EPB41L4A: variants seen among roughly 807,000 people sequenced by gnomAD.
EPB41L4A encodes the protein erythrocyte membrane protein band 4.1 like 4A.
A neutral mutation model predicts 108.6 loss-of-function variants in EPB41L4A; 100 were observed. The ratio of observed to expected loss-of-function variants is 0.92; its 90% CI spans 0.78 to 1.09. The LOEUF (loss-of-function observed/expected upper bound fraction) is 1.09. Ranked by LOEUF, EPB41L4A falls within the 50% of genes least tolerant of loss-of-function variation. EPB41L4A has a pLI of 0.00. For missense variants in EPB41L4A, 1,030 were observed against 842.7 expected (o/e 1.22, Z -2.75); for synonymous variants, 319 against 289.0 (o/e 1.10, Z -1.05).
chr5:112,190,523 T>A (rs145653419), intron 17 of EPB41L4A, among the ~76,000 whole-genome samples: 1 of 152,046 alleles, frequency 6.6e-6, no homozygotes, highest in Non-Finnish European at 1.5e-5. Flanking sequence ...AAATGAAACA[T>A]AGGACCAAAA....
downstream of EPB41L4A, among the ~76,000 whole-genome samples, chr5:112,159,855 AAT>A (rs1212970829): frequency 6.6e-6 from 1 of 152,042 alleles, no homozygotes; most frequent in East Asian, 1.9e-4. Flanking sequence ...AAATATTTAA[AAT>A]ATGTTGGGTT....
At chr5:112,326,187 A>T (rs1756147247) in intron 1 of EPB41L4A, among the ~76,000 whole-genome samples, 1 of 151,968 alleles carries the variant, frequency 6.6e-6, no homozygotes, top group African/African-American at 2.4e-5. Context: ...TATACACCAA[A>T]CCATTCGAAA....
intron 18 of EPB41L4A, among the ~76,000 whole-genome samples, chr5:112,180,370 C>A (rs1761083779): frequency 6.6e-6 from 1 of 152,016 alleles, no homozygotes; most frequent in Non-Finnish European, 1.5e-5. Context: ...AACATGATGG[C>A]TTAGGGATAG....
At chr5:112,381,254 G>C (rs1304390768) in intron 1 of EPB41L4A, among the ~76,000 whole-genome samples, 1 of 152,162 alleles carries the variant, frequency 6.6e-6, no homozygotes. Context: ...TTGGATTGCA[G>C]AATTGTAAGG....
chr5:112,264,850 G>A (rs748205890), intron 6 of EPB41L4A, 46 bp downstream of exon 6: 2 of 1,576,352 alleles, frequency 1.3e-6, no homozygotes, highest in Non-Finnish European at 1.7e-6. Context: ...ATCAGAAGAT[G>A]ATGACTGATG....
upstream of EPB41L4A, chr5:112,419,876 G>A (rs1488181612): frequency 4.4e-6 from 2 of 456,654 alleles, no homozygotes; most frequent in African/African-American, 2.0e-5. Context: ...GGGAATGCCT[G>A]CCGCGGCGGC....
At chr5:112,356,044 G>A (rs1207939322) in intron 1 of EPB41L4A, among the ~76,000 whole-genome samples, 1 of 152,130 alleles carries the variant, frequency 6.6e-6, no homozygotes. Flanking sequence ...GCTGGATTAT[G>A]TTACTTGACT....
intron 1 of EPB41L4A, among the ~76,000 whole-genome samples, chr5:112,384,234 T>C (rs1208445968): frequency 1.3e-5 from 2 of 152,156 alleles, no homozygotes; most frequent in African/African-American, 2.4e-5. Flanking sequence ...ACACCTTCAG[T>C]GGGTAGACTG....
At chr5:112,223,861 A>G (rs961372487) in intron 12 of EPB41L4A, among the ~76,000 whole-genome samples, 3 of 152,240 alleles carry the variant, frequency 2.0e-5, no homozygotes, top group Non-Finnish European at 4.4e-5. Context: ...TCATCTCGTC[A>G]GTTTGGACTA....
chr5:112,244,798 C>G (rs1005474006), intron 9 of EPB41L4A, among the ~76,000 whole-genome samples: 1 of 152,120 alleles, frequency 6.6e-6, no homozygotes, highest in Non-Finnish European at 1.5e-5. Context: ...TGTGCAAGCT[C>G]CTAGCTTGCA....
intron 15 of EPB41L4A, among the ~76,000 whole-genome samples, chr5:112,197,221 C>A (rs1447089268): frequency 2.6e-5 from 4 of 152,158 alleles, no homozygotes; most frequent in Non-Finnish European, 4.4e-5. Context: ...GTCCACATCC[C>A]CCCTCATCTG....
In EPB41L4A at chr5:112,275,359, T is replaced by G. The variant is rs748432941; in HGVS notation, c.302A>C (p.Glu101Ala). 42 of 1,556,312 alleles carry G rather than the reference T, an allele frequency of 2.7e-5. No individual in the cohort carries two copies. In the African/African-American group the frequency reaches 4.9e-4, roughly 18 times the overall value. The part of the protein sequence containing the change: ...TLYFGIKFYA[E>A]DPCKLKEEIT... ...TTCTTCTTTAAGTTTACATGGATCT[T>G]CAGCATAGAATTTAATACCAAAATA... is the stretch of plus-strand genomic sequence containing the variant. Residue 101 changes from glutamate to alanine, a missense_variant, in exon 4 of 23, where the codon GAA becomes GCA. Physicochemically the swap from Glu to Ala is moderately radical, Grantham distance 107. Transcript: ENST00000261486.
At chr5:112,356,809 G>A (rs1233384479) in intron 1 of EPB41L4A, among the ~76,000 whole-genome samples, 1 of 152,154 alleles carries the variant, frequency 6.6e-6, no homozygotes, top group Non-Finnish European at 1.5e-5. Flanking sequence ...AAAATCAAAG[G>A]CTGCAACCTC....
intron 1 of EPB41L4A, among the ~76,000 whole-genome samples, chr5:112,341,386 T>C (rs1038197997): frequency 6.6e-6 from 1 of 152,210 alleles, no homozygotes; most frequent in Non-Finnish European, 1.5e-5. Context: ...AAACATACTG[T>C]GTGTGTATGT....
chr5:112,275,296 A>G, intron 4 of EPB41L4A, 30 bp downstream of exon 4: 2 of 1,523,778 alleles, frequency 1.3e-6, no homozygotes, highest in Non-Finnish European at 1.8e-6. Flanking sequence ...CAATGCATGT[A>G]TCTGTTCAAA....
At chr5:112,418,832 G>T in intron 1 of EPB41L4A, 109 bp downstream of exon 1, 1 of 761,872 alleles carries the variant, frequency 1.3e-6, no homozygotes. Context: ...TCCCCACCGC[G>T]CAGAGTCGCG....
chr5:112,355,150 A>C (rs1758287680), intron 1 of EPB41L4A, among the ~76,000 whole-genome samples: 1 of 152,200 alleles, frequency 6.6e-6, no homozygotes, highest in Non-Finnish European at 1.5e-5. Flanking sequence ...GTCACTACCA[A>C]ATATAATCTA....
At chr5:112,299,736 G>A (rs1270558865) in intron 2 of EPB41L4A, among the ~76,000 whole-genome samples, 1 of 152,146 alleles carries the variant, frequency 6.6e-6, no homozygotes, top group African/African-American at 2.4e-5. Flanking sequence ...TTGATGACCT[G>A]TCTAGTGCTG....
chr5:112,333,655 T>C (rs7718321), intron 1 of EPB41L4A, among the ~76,000 whole-genome samples: 56,157 of 151,988 alleles, frequency 0.37, 11,547 homozygotes, highest in African/African-American at 0.56. Context: ...CCGTATGAGT[T>C]GCAGTCTCTC....
Sources: gnomAD v4.1 joint callset for allele counts (sites outside exome capture counted in the v4.1 genomes callset) on GRCh38, gnomAD v4.1.1 for gene constraint, MANE v1.5 for transcripts, NCBI Gene and HGNC (gene_info 2026-07-23, HGNC 2026-07-21) for gene names.